Variants in ADAMTSL1 observed in about 807,000 individuals in gnomAD.
The protein encoded by ADAMTSL1 is ADAMTS like 1, also known as ADAMTS-like protein 1.
A neutral mutation model predicts 201.8 loss-of-function variants in ADAMTSL1; 126 were observed. That is an observed-to-expected ratio of 0.62 (90% CI 0.54 to 0.72). The LOEUF (loss-of-function observed/expected upper bound fraction) is 0.72, where lower values mean the gene tolerates loss of function less well. ADAMTSL1 is among the 30% of genes least tolerant of loss of function. ADAMTSL1 has a pLI of 0.00. For synonymous variants in ADAMTSL1, 1,121 were observed against 903.4 expected (o/e 1.24, Z -4.32); for missense variants, 2,679 against 2,277.8 (o/e 1.18, Z -3.59).
At chr9:18,450,563 A>ATATACATATATAGATATATATATTATG (rs1176580638) in intron 2 of ADAMTSL1, among the ~76,000 whole-genome samples, 10 of 151,620 alleles carry the variant, frequency 6.6e-5, no homozygotes, top group Non-Finnish European at 1.3e-4. Flanking sequence ...CCAGATTCAT[A>ATATACATATATAGATATATATATTATG]TATACATATA....
intron 16 of ADAMTSL1, among the ~76,000 whole-genome samples, chr9:18,759,352 A>C (rs1731976687): frequency 6.6e-6 from 1 of 152,232 alleles, no homozygotes; most frequent in Non-Finnish European, 1.5e-5. Flanking sequence ...CTGAGAATTA[A>C]AGTTTTCATT....
intron 3 of ADAMTSL1, among the ~76,000 whole-genome samples, chr9:18,538,838 T>C (rs1819955665): frequency 1.3e-5 from 2 of 152,214 alleles, no homozygotes; most frequent in Non-Finnish European, 2.9e-5. Context: ...CTTGGTGCTT[T>C]ATGTCAAGGA....
rs558877999 is a variant in ADAMTSL1 at position 18,568,333 on chromosome 9, C to T, written c.238-5697C>T. On this transcript the variant is annotated intron_variant, in intron 3 of 28. Transcript: ENST00000380548. ...CAAAGACCAAAATATGTAAAAGAGG[C>T]AGCCCACCATCTACTTAGGTGTGCT... Among the ~76,000 whole-genome samples, 5 of 152,244 alleles carry T rather than the reference C, an allele frequency of 3.3e-5. No individual in the cohort carries two copies. The East Asian group carries it at 5.8e-4, about 18-fold the overall frequency.
intron 1 of ADAMTSL1, among the ~76,000 whole-genome samples, chr9:18,138,065 T>C (rs569379729): frequency 3.9e-4 from 59 of 152,272 alleles, no homozygotes; most frequent in African/African-American, 1.4e-3. Context: ...TTTGATTCCC[T>C]GCTATGCCAC....
At chr9:18,517,889 A>T (rs918251741) in intron 2 of ADAMTSL1, among the ~76,000 whole-genome samples, 2 of 152,230 alleles carry the variant, frequency 1.3e-5, no homozygotes, top group Non-Finnish European at 2.9e-5. Context: ...GGTTTCTTGT[A>T]GAACAGATGT....
chr9:18,505,881 G>T (rs941921818), intron 2 of ADAMTSL1, among the ~76,000 whole-genome samples: 2 of 152,168 alleles, frequency 1.3e-5, no homozygotes, highest in Non-Finnish European at 2.9e-5. Context: ...ATAAGAGTGA[G>T]AATTTCTTGA....
chr9:18,745,466 A>G (rs940579946), intron 15 of ADAMTSL1, among the ~76,000 whole-genome samples: 2 of 152,184 alleles, frequency 1.3e-5, no homozygotes, highest in African/African-American at 4.8e-5. Context: ...TTTCTGGTAC[A>G]ACATACTATT....
chr9:18,015,114 T>C (rs1282144821), intron 1 of ADAMTSL1, among the ~76,000 whole-genome samples: 2 of 152,024 alleles, frequency 1.3e-5, no homozygotes, highest in Non-Finnish European at 2.9e-5. Flanking sequence ...GGGGCAGGTA[T>C]TAATATCCCA....
intron 23 of ADAMTSL1, among the ~76,000 whole-genome samples, chr9:18,880,088 C>T (rs187606015): frequency 6.6e-6 from 1 of 152,164 alleles, no homozygotes; most frequent in African/African-American, 2.4e-5. Flanking sequence ...TCAGTCACAT[C>T]TTCAGGCTTT....
At chr9:18,221,790 C>T (rs1316855821) in intron 2 of ADAMTSL1, among the ~76,000 whole-genome samples, 1 of 151,912 alleles carries the variant, frequency 6.6e-6, no homozygotes, top group Non-Finnish European at 1.5e-5. Flanking sequence ...ATATAAGTCC[C>T]TTAGATTAAT....
intron 2 of ADAMTSL1, among the ~76,000 whole-genome samples, chr9:18,219,016 T>G (rs1334224670): frequency 2.0e-5 from 3 of 152,060 alleles, no homozygotes; most frequent in African/African-American, 7.2e-5. Flanking sequence ...TAGTGCTACA[T>G]CTGTCATATA....
chr9:18,192,682 C>T (rs1380854642), intron 2 of ADAMTSL1, among the ~76,000 whole-genome samples: 1 of 152,060 alleles, frequency 6.6e-6, no homozygotes, highest in Non-Finnish European at 1.5e-5. Flanking sequence ...TTCAGTACTA[C>T]ACTTTTACTA....
intron 2 of ADAMTSL1, among the ~76,000 whole-genome samples, chr9:18,367,671 A>G (rs1836832921): frequency 2.0e-5 from 3 of 152,118 alleles, no homozygotes; most frequent in Admixed American, 2.0e-4. Context: ...TTTATGAGCT[A>G]CATACTATTA....
chr9:18,166,144 A>G (rs1159676858), intron 2 of ADAMTSL1, among the ~76,000 whole-genome samples: 1 of 151,918 alleles, frequency 6.6e-6, no homozygotes, highest in Non-Finnish European at 1.5e-5. Context: ...CTAGTATCCC[A>G]AAGACATTTA....
intron 2 of ADAMTSL1, among the ~76,000 whole-genome samples, chr9:18,298,008 A>G (rs1429299609): frequency 6.6e-6 from 1 of 152,224 alleles, no homozygotes; most frequent in Non-Finnish European, 1.5e-5. Flanking sequence ...AAGTAGCATC[A>G]TAAAAACAGA....
chr9:18,123,762 C>T (rs373548479), intron 1 of ADAMTSL1, among the ~76,000 whole-genome samples: 2 of 152,172 alleles, frequency 1.3e-5, no homozygotes, highest in African/African-American at 4.8e-5. Flanking sequence ...TTAGCAGACA[C>T]CTCTTCCCTT....
intron 2 of ADAMTSL1, among the ~76,000 whole-genome samples, chr9:18,414,714 G>A (rs1022334827): frequency 1.2e-4 from 19 of 152,130 alleles, no homozygotes; most frequent in Admixed American, 1.2e-3. Flanking sequence ...GATAGAGGCT[G>A]TACAACAGAG....
chr9:18,337,844 T>G (rs1280305927), intron 2 of ADAMTSL1, among the ~76,000 whole-genome samples: 1 of 152,144 alleles, frequency 6.6e-6, no homozygotes, highest in African/African-American at 2.4e-5. Context: ...TGAAGAGTGG[T>G]AGAAGTACTG....
chr9:18,049,229 G>A (rs142984013), intron 1 of ADAMTSL1, among the ~76,000 whole-genome samples: 64 of 152,246 alleles, frequency 4.2e-4, no homozygotes, highest in African/African-American at 1.5e-3. Context: ...CATGGGTTAG[G>A]ACTCTGACAT....
Sources: allele counts gnomAD v4.1 joint callset (sites outside exome capture counted in the v4.1 genomes callset), GRCh38; gene constraint gnomAD v4.1.1; transcripts MANE v1.5; gene names NCBI Gene and HGNC (gene_info 2026-07-23, HGNC 2026-07-21).